ARL15: variants seen among roughly 807,000 people sequenced by gnomAD.
The protein encoded by ARL15 is ADP-ribosylation factor-like protein 15.
A neutral mutation model predicts 25.2 loss-of-function variants in ARL15; 19 were observed. The observed-to-expected ratio is 0.75, with a 90% confidence interval of 0.53 to 1.10. The LOEUF (loss-of-function observed/expected upper bound fraction) is 1.10. ARL15 is among the 50% of genes least tolerant of loss of function. The probability of loss-of-function intolerance (pLI) is 0.00; values close to 1 mark genes in which losing one functional copy is unlikely to be tolerated. For synonymous variants in ARL15, 94 were observed against 86.8 expected (o/e 1.08, Z -0.46); for missense variants, 220 against 246.0 (o/e 0.89, Z 0.71).
chr5:54,247,368 C>T (rs1757115012), intron 1 of ARL15, among the ~76,000 whole-genome samples: 1 of 151,932 alleles, frequency 6.6e-6, no homozygotes, highest in Non-Finnish European at 1.5e-5. Flanking sequence ...ATTTTATAGT[C>T]GGCTTTGGAT....
At chr5:54,090,497 T>G (rs763481085) in intron 4 of ARL15, among the ~76,000 whole-genome samples, 3 of 151,248 alleles carry the variant, frequency 2.0e-5, no homozygotes, top group Non-Finnish European at 4.4e-5. Flanking sequence ...AGAGGATGCA[T>G]GAAAATGAGG....
intron 3 of ARL15, among the ~76,000 whole-genome samples, chr5:54,126,197 C>G (rs1489909740): frequency 6.6e-6 from 1 of 152,142 alleles, no homozygotes; most frequent in Non-Finnish European, 1.5e-5. Context: ...TCATCTACCT[C>G]TAATATCACG....
intron 4 of ARL15, among the ~76,000 whole-genome samples, chr5:54,000,669 C>T (rs1428524534): frequency 2.0e-5 from 3 of 152,130 alleles, no homozygotes; most frequent in Non-Finnish European, 4.4e-5. Flanking sequence ...TTTTCATACC[C>T]TAGTCTCTGT....
chr5:54,118,548 A>G (rs156832), intron 3 of ARL15, among the ~76,000 whole-genome samples: 134,876 of 152,204 alleles, frequency 0.89, 60,035 homozygotes, highest in East Asian at 0.98. Flanking sequence ...ATGTGAGAAA[A>G]AGACATTTAA....
At chr5:54,149,703 G>C (rs1754007627) in intron 3 of ARL15, among the ~76,000 whole-genome samples, 1 of 152,124 alleles carries the variant, frequency 6.6e-6, no homozygotes, top group South Asian at 2.1e-4. Context: ...TCTGAGCTTT[G>C]AAACAAGTCA....
At chr5:53,985,443 T>C (rs557234108) in intron 4 of ARL15, among the ~76,000 whole-genome samples, 15 of 152,328 alleles carry the variant, frequency 9.8e-5, no homozygotes, top group Non-Finnish European at 1.9e-4. Context: ...GAAACTCTTA[T>C]GCATAAAACA....
At chr5:54,219,264 G>A (rs1444567698) in intron 1 of ARL15, among the ~76,000 whole-genome samples, 2 of 152,106 alleles carry the variant, frequency 1.3e-5, no homozygotes, top group Non-Finnish European at 1.5e-5. Flanking sequence ...ACACATAAAA[G>A]TAAAGTTGAA....
At chr5:54,086,133 C>T (rs1037761240) in intron 4 of ARL15, among the ~76,000 whole-genome samples, 6 of 152,040 alleles carry the variant, frequency 3.9e-5, no homozygotes, top group South Asian at 2.1e-4. Flanking sequence ...AGAGTGGTCT[C>T]GACCTCCCGA....
At chr5:54,119,570 T>C (rs921020855) in intron 3 of ARL15, among the ~76,000 whole-genome samples, 2 of 152,180 alleles carry the variant, frequency 1.3e-5, no homozygotes, top group Non-Finnish European at 2.9e-5. Context: ...AAACATTAAG[T>C]GCCTATAACT....
intron 4 of ARL15, among the ~76,000 whole-genome samples, chr5:54,029,788 T>C (rs904968034): frequency 2.0e-5 from 3 of 151,944 alleles, no homozygotes; most frequent in African/African-American, 7.3e-5. Context: ...GGTCAGGAGA[T>C]CGAGACCATC....
chr5:54,078,002 T>TA (rs940115667), intron 4 of ARL15, among the ~76,000 whole-genome samples: 9 of 152,248 alleles, frequency 5.9e-5, no homozygotes, highest in Admixed American at 2.0e-4. Context: ...TTGATTACAA[T>TA]AAATTTAAGT....
chr5:54,007,641 T>C (rs1319402796), intron 4 of ARL15, among the ~76,000 whole-genome samples: 1 of 152,146 alleles, frequency 6.6e-6, no homozygotes, highest in Non-Finnish European at 1.5e-5. Flanking sequence ...ACCCCGTCTC[T>C]ACTAAAATAA....
chr5:54,011,881 C>T (rs1749252740), intron 4 of ARL15, among the ~76,000 whole-genome samples: 1 of 152,032 alleles, frequency 6.6e-6, no homozygotes, highest in African/African-American at 2.4e-5. Flanking sequence ...TGGTGGCACG[C>T]ACCTGTAGTC....
At chr5:53,904,280 A>G (rs1213575391) in intron 4 of ARL15, among the ~76,000 whole-genome samples, 2 of 152,244 alleles carry the variant, frequency 1.3e-5, no homozygotes, top group African/African-American at 4.8e-5. Flanking sequence ...GTAATTACCC[A>G]GTGGATGCTG....
intron 1 of ARL15, among the ~76,000 whole-genome samples, chr5:54,238,271 C>T (rs1756863072): frequency 1.3e-5 from 2 of 152,160 alleles, no homozygotes; most frequent in South Asian, 4.1e-4. Flanking sequence ...ACCCTTTGTG[C>T]CCTGGAAACA....
At chr5:54,110,060 T>A (rs1305160964) in intron 4 of ARL15, among the ~76,000 whole-genome samples, 1 of 152,006 alleles carries the variant, frequency 6.6e-6, no homozygotes, top group Non-Finnish European at 1.5e-5. Flanking sequence ...AAAAAATATG[T>A]AATGTACAAG....
At chr5:54,268,147 C>A (rs1341562915) in intron 1 of ARL15, among the ~76,000 whole-genome samples, 2 of 152,168 alleles carry the variant, frequency 1.3e-5, no homozygotes, top group Non-Finnish European at 2.9e-5. Context: ...TCCCATATTT[C>A]TCGGAGGCTT....
At chr5:54,016,169 A>C (rs1749420869) in intron 4 of ARL15, among the ~76,000 whole-genome samples, 1 of 152,152 alleles carries the variant, frequency 6.6e-6, no homozygotes, top group East Asian at 1.9e-4. Flanking sequence ...TTCATGTCTT[A>C]GGCTTGGTTG....
intron 4 of ARL15, among the ~76,000 whole-genome samples, chr5:53,940,417 T>C (rs1029803713): frequency 6.6e-6 from 1 of 152,218 alleles, no homozygotes; most frequent in Admixed American, 6.5e-5. Context: ...AGCAATTTAA[T>C]AAAATTAAAC....
Sources: gnomAD v4.1 joint callset for allele counts (sites outside exome capture counted in the v4.1 genomes callset) on GRCh38, gnomAD v4.1.1 for gene constraint, MANE v1.5 for transcripts, NCBI Gene and HGNC (gene_info 2026-07-23, HGNC 2026-07-21) for gene names.